Variants in TNFSF11 observed in about 807,000 individuals in gnomAD.
TNFSF11 encodes the protein tumor necrosis factor ligand superfamily member 11.
TNFSF11 carries 12 observed loss-of-function variants against 32.2 expected under a neutral mutation model. That is an observed-to-expected ratio of 0.37 (90% confidence interval 0.24 to 0.60). The LOEUF (loss-of-function observed/expected upper bound fraction) is 0.60. Among genes scored for constraint, TNFSF11 ranks in the 20% least tolerant of loss-of-function variants. The pLI is 0.66. For synonymous variants in TNFSF11, 172 were observed against 152.1 expected (o/e 1.13, Z -0.96); for missense variants, 345 against 398.0 (o/e 0.87, Z 1.13).
At chr13:42,579,208 C>T (rs1036404932) in intron 1 of TNFSF11, among the ~76,000 whole-genome samples, 3 of 151,556 alleles carry the variant, frequency 2.0e-5, no homozygotes, top group Non-Finnish European at 2.9e-5. Flanking sequence ...GCCTGGGCAA[C>T]ACAGCGAGAC....
chr13:42,601,109 G>A, intron 4 of TNFSF11, 128 bp downstream of exon 4: 1 of 985,994 alleles, frequency 1.0e-6, no homozygotes, highest in Non-Finnish European at 1.6e-6. Context: ...CCAAAGGAAA[G>A]ACCATTCATC....
chr13:42,574,298 A>G lies in TNFSF11; in HGVS notation c.-6A>G. 1 of 1,545,296 alleles carries G rather than the reference A, an allele frequency of 6.5e-7. No homozygotes were observed. On this transcript the variant is annotated 5_prime_UTR_variant, in exon 1 of 5. Transcript: ENST00000398795. ...GGAGAGCTCCGAAGCGAGAGGGCCG[A>G]GCGCCATGCGCCGCGCCAGCAGAGA...
At position 42,600,907 on chromosome 13, in the gene TNFSF11, AT is replaced by A; in HGVS notation, c.459del (p.Leu154TrpfsTer29). On this transcript the variant is annotated frameshift_variant, in exon 4 of 5. Coordinates refer to ENST00000398795, the MANE Select transcript of TNFSF11 (RefSeq NM_003701.4). LOFTEE classifies it high-confidence loss of function. The part of the protein sequence containing the change: ...EKAMVDGSWL[D>X]LAKRSKLEAQ... ...GCGATGGTGGATGGCTCATGGTTAG[AT>A]CTGGCCAAGAGGAGCAAGCTTGAAG... is the stretch of plus-strand genomic sequence containing the variant. 1 of 1,614,070 alleles carries A rather than the reference AT, an allele frequency of 6.2e-7. No homozygotes were observed. Among genetic ancestry groups the A allele is most frequent in the Non-Finnish European group, 8.5e-7 (1 of 1,179,994 alleles).
chr13:42,580,140 G>A (rs1245813161), intron 1 of TNFSF11, among the ~76,000 whole-genome samples: 1 of 152,124 alleles, frequency 6.6e-6, no homozygotes, highest in East Asian at 1.9e-4. Flanking sequence ...TGCAGGTGAA[G>A]TACCTTGAAT....
intron 4 of TNFSF11, among the ~76,000 whole-genome samples, chr13:42,603,716 A>C (rs1314323464): frequency 2.0e-5 from 3 of 152,118 alleles, no homozygotes; most frequent in Non-Finnish European, 4.4e-5. Context: ...GTTGCTTGTA[A>C]CTGAATGTCA....
At chr13:42,599,349 C>CTATCATCTATCTATCTATCTATCT (rs11385072) in intron 2 of TNFSF11, among the ~76,000 whole-genome samples, 20 of 112,244 alleles carry the variant, frequency 1.8e-4, no homozygotes, top group East Asian at 8.1e-4. Context: ...ATCTATCTAT[C>CTATCATCTATCTATCTATCTATCT]ATCTATCTAT....
Position 42,607,774 on chromosome 13 carries a change from G to C in TNFSF11, c.*856G>C, listed in dbSNP as rs189194837. On this transcript the variant is annotated 3_prime_UTR_variant, in exon 5 of 5. Coordinates refer to ENST00000398795, the MANE Select transcript of TNFSF11 (RefSeq NM_003701.4). ...TTAGAAAGCTGACATTGCCAAAAAG[G>C]ATACATAATGGGCCACTGAAATCTG... is the stretch of plus-strand genomic sequence containing the variant. The C allele has an allele frequency of 4.1e-4, 62 of 152,696 alleles. No individual in the cohort carries two copies. Among genetic ancestry groups the C allele is most frequent in the African/African-American group, 1.4e-3 (58 of 41,518 alleles). 9.5% of individuals were successfully genotyped at this position (152,696 alleles called of 1,614,324 possible).
chr13:42,563,477 A>G (rs1872755822), intron 1 of TNFSF11, among the ~76,000 whole-genome samples: 1 of 152,158 alleles, frequency 6.6e-6, no homozygotes, highest in African/African-American at 2.4e-5. Flanking sequence ...AGCCTTGCCA[A>G]CATGGTAAAA....
At chr13:42,577,722 A>G (rs1873391885) in intron 1 of TNFSF11, among the ~76,000 whole-genome samples, 1 of 152,234 alleles carries the variant, frequency 6.6e-6, no homozygotes, top group African/African-American at 2.4e-5. Context: ...AGCAGTCACT[A>G]CTGAAAATCT....
intron 2 of TNFSF11, among the ~76,000 whole-genome samples, chr13:42,592,042 A>G (rs1868509683): frequency 6.6e-6 from 1 of 152,220 alleles, no homozygotes; most frequent in Admixed American, 6.5e-5. Context: ...CGGAGTGGTA[A>G]CCAGACTAAG....
chr13:42,605,195 C>T (rs1282385279), intron 4 of TNFSF11, among the ~76,000 whole-genome samples: 1 of 152,178 alleles, frequency 6.6e-6, no homozygotes, highest in African/African-American at 2.4e-5. Flanking sequence ...GCTAATTTAT[C>T]TCCCTCAGCA....
At chr13:42,592,234 A>C (rs1426112569) in intron 2 of TNFSF11, among the ~76,000 whole-genome samples, 1 of 152,164 alleles carries the variant, frequency 6.6e-6, no homozygotes, top group Non-Finnish European at 1.5e-5. Context: ...TCAGCCCCAC[A>C]AGACTGTCCC....
chr13:42,567,475 T>A (rs184592051), intron 2 of TNFSF11, among the ~76,000 whole-genome samples: 27 of 152,334 alleles, frequency 1.8e-4, no homozygotes, highest in African/African-American at 6.5e-4. Context: ...CCCATCCAGT[T>A]TTCCGTAATG....
chr13:42,580,985 G>A, intron 1 of TNFSF11, 141 bp from the exon 2 acceptor site: 1 of 844,308 alleles, frequency 1.2e-6, no homozygotes, highest in Non-Finnish European at 1.9e-6. Context: ...ACCATCTTGA[G>A]GTTCATTGTA....
intron 1 of TNFSF11, among the ~76,000 whole-genome samples, chr13:42,577,977 G>A (rs1395957597): frequency 6.6e-6 from 1 of 152,202 alleles, no homozygotes; most frequent in Non-Finnish European, 1.5e-5. Context: ...TGGTTACTCA[G>A]TTTACTGTGA....
intron 2 of TNFSF11, among the ~76,000 whole-genome samples, chr13:42,594,647 C>T (rs904056978): frequency 6.6e-6 from 1 of 152,190 alleles, no homozygotes; most frequent in African/African-American, 2.4e-5. Context: ...TCCTGAGTGG[C>T]CCTAGTTTAC....
At chr13:42,589,915 C>T (rs893651389) in intron 2 of TNFSF11, among the ~76,000 whole-genome samples, 2 of 152,292 alleles carry the variant, frequency 1.3e-5, no homozygotes, top group South Asian at 2.1e-4. Context: ...TTTGTGTAGT[C>T]GGTTTTCTAA....
upstream of TNFSF11, among the ~76,000 whole-genome samples, chr13:42,570,448 GT>G (rs1873022610): frequency 1.3e-5 from 2 of 152,134 alleles, no homozygotes; most frequent in African/African-American, 4.8e-5. Flanking sequence ...AGGAAATATA[GT>G]TTGAGAAATG....
intron 1 of TNFSF11, among the ~76,000 whole-genome samples, chr13:42,563,201 T>C (rs917382728): frequency 6.6e-6 from 1 of 152,136 alleles, no homozygotes; most frequent in Non-Finnish European, 1.5e-5. Context: ...CCCCTTCCCA[T>C]GGTAAAGTTT....
Sources: gnomAD v4.1 joint callset for allele counts (sites outside exome capture counted in the v4.1 genomes callset) on GRCh38, gnomAD v4.1.1 for gene constraint, MANE v1.5 for transcripts, NCBI Gene and HGNC (gene_info 2026-07-23, HGNC 2026-07-21) for gene names.